The following SAMD12 variants were observed in gnomAD, a reference collection of about 807,000 sequenced individuals.
SAMD12 encodes the protein sterile alpha motif domain-containing protein 12.
In SAMD12, 9 loss-of-function variants were observed where a neutral mutation model predicts 15.0. The observed-to-expected ratio is 0.60, with a 90% CI of 0.36 to 1.05. The LOEUF is 1.05. Among genes scored for constraint, SAMD12 ranks in the 50% least tolerant of loss-of-function variants. The probability of loss-of-function intolerance (pLI) is 0.01; values close to 1 mark genes in which losing one functional copy is unlikely to be tolerated. For missense variants in SAMD12, 230 were observed against 234.2 expected, an observed-to-expected ratio of 0.98 and a Z score of 0.12; for synonymous variants, 86 against 90.1, an observed-to-expected ratio of 0.96 and a Z score of 0.25.
Position 118,287,621 on chromosome 8 carries a change from T to C in SAMD12, c.434-89889A>G, listed in dbSNP as rs1161426874. On this transcript the variant is annotated intron_variant, in intron 4 of 4. Coordinates refer to the SAMD12 transcript ENST00000409003. Reference sequence around the variant, plus strand: ...GTGGTGCCCGGTTTTTACTCACCTGTATAACTCATGATACCAATTTGTAAT... The same window carrying C: ...GTGGTGCCCGGTTTTTACTCACCTGCATAACTCATGATACCAATTTGTAAT... Among the ~76,000 whole-genome samples, 9 of 152,270 alleles carry C rather than the reference T, an allele frequency of 5.9e-5. No homozygotes were observed. In the East Asian group the frequency reaches 1.7e-3, roughly 29 times the overall value.
intron 4 of SAMD12, among the ~76,000 whole-genome samples, chr8:118,363,064 A>G (rs1441940486): frequency 6.6e-6 from 1 of 152,220 alleles, no homozygotes; most frequent in African/African-American, 2.4e-5. Flanking sequence ...TTTTATTTGA[A>G]TAGTCTCAAG....
At chr8:118,397,910 A>C (rs868325754) in intron 3 of SAMD12, among the ~76,000 whole-genome samples, 14 of 152,266 alleles carry the variant, frequency 9.2e-5, no homozygotes, top group South Asian at 6.2e-4. Flanking sequence ...CTCCCATCTC[A>C]GCCCCGCAGT....
intron 2 of SAMD12, among the ~76,000 whole-genome samples, chr8:118,545,388 G>C (rs973145882): frequency 1.3e-5 from 2 of 152,092 alleles, no homozygotes; most frequent in Non-Finnish European, 2.9e-5. Flanking sequence ...AATCGCTTGA[G>C]CCTGGGAGGC....
intron 3 of SAMD12, among the ~76,000 whole-genome samples, chr8:118,438,935 C>T (rs1347103725): frequency 6.6e-6 from 1 of 152,172 alleles, no homozygotes; most frequent in African/African-American, 2.4e-5. Flanking sequence ...TCAGTCCTAT[C>T]TTTCACTGCA....
At chr8:118,550,215 A>G (rs976568910) in intron 2 of SAMD12, among the ~76,000 whole-genome samples, 8 of 152,202 alleles carry the variant, frequency 5.3e-5, no homozygotes, top group Admixed American at 2.0e-4. Flanking sequence ...CAACTCCAAG[A>G]CACATAATTG....
At chr8:118,453,126 C>T (rs1407270042) in intron 2 of SAMD12, among the ~76,000 whole-genome samples, 2 of 152,088 alleles carry the variant, frequency 1.3e-5, no homozygotes, top group African/African-American at 2.4e-5. Flanking sequence ...TTGTTCCTTG[C>T]CTTCAAAGTC....
chr8:118,580,623 T>C, intron 2 of SAMD12, 92 bp downstream of exon 2: 2 of 837,486 alleles, frequency 2.4e-6, no homozygotes, highest in Non-Finnish European at 3.9e-6. Flanking sequence ...TGGTAATTAG[T>C]GAAAGCACTA....
rs536245512 is a variant in SAMD12 at position 118,537,485 on chromosome 8, TCTGA to T, written c.192+43226_192+43229del. Reference sequence around the variant, plus strand: ...TTTTTATTCTTTTTCTTTTGTATCCTCTGACTGTGTATTTTCAAATAGTCTGTTT... The same window carrying T: ...TTTTTATTCTTTTTCTTTTGTATCCTCTGTGTATTTTCAAATAGTCTGTTT... On this transcript the variant is annotated intron_variant, in intron 2 of 3. Transcript: ENST00000314727. 3.7e-4 allele frequency among the ~76,000 whole-genome samples: 56 copies of T among 152,342 alleles called. No individual in the cohort carries two copies. In the South Asian group the frequency reaches 9.1e-3, roughly 25 times the overall value.
the SAMD12 span, among the ~76,000 whole-genome samples, chr8:118,151,296 T>G: frequency 6.6e-6 from 1 of 152,180 alleles, no homozygotes. Context: ...TTATTGAGCT[T>G]CTTGGGTGTG....
At chr8:118,575,662 C>T (rs967736297) in intron 2 of SAMD12, among the ~76,000 whole-genome samples, 6 of 152,052 alleles carry the variant, frequency 3.9e-5, no homozygotes, top group African/African-American at 1.2e-4. Context: ...ATATAAGGAA[C>T]GCTCAAAGCT....
At chr8:118,513,836 T>C (rs1164751681) in intron 2 of SAMD12, among the ~76,000 whole-genome samples, 1 of 152,044 alleles carries the variant, frequency 6.6e-6, no homozygotes, top group Non-Finnish European at 1.5e-5. Flanking sequence ...TTGCCCTCAG[T>C]TTTGGGGGAA....
intron 3 of SAMD12, among the ~76,000 whole-genome samples, chr8:118,388,575 C>T (rs1290791160): frequency 6.6e-6 from 1 of 152,170 alleles, no homozygotes; most frequent in Non-Finnish European, 1.5e-5. Context: ...CGTAAGTAAG[C>T]TCCATGAAAG....
intron 4 of SAMD12, among the ~76,000 whole-genome samples, chr8:118,280,749 C>G (rs1276756342): frequency 1.3e-5 from 2 of 152,182 alleles, no homozygotes; most frequent in Non-Finnish European, 2.9e-5. Context: ...CATTAGGCAA[C>G]TGAGACTTTT....
At chr8:118,507,434 T>G (rs1020460320) in intron 2 of SAMD12, among the ~76,000 whole-genome samples, 5 of 152,102 alleles carry the variant, frequency 3.3e-5, no homozygotes, top group Non-Finnish European at 5.9e-5. Context: ...GGGTTTATGA[T>G]GTACCGAGCC....
chr8:118,432,368 T>C (rs2130872141), intron 3 of SAMD12, among the ~76,000 whole-genome samples: 1 of 152,238 alleles, frequency 6.6e-6, no homozygotes, highest in South Asian at 2.1e-4. Flanking sequence ...GGAGGAGGCA[T>C]TTGGGGATAT....
chr8:118,263,417 T>C (rs1306089129), intron 4 of SAMD12, among the ~76,000 whole-genome samples: 2 of 151,990 alleles, frequency 1.3e-5, no homozygotes, highest in Non-Finnish European at 2.9e-5. Flanking sequence ...AAGTATTGGA[T>C]ATTGGGAAAT....
At chr8:118,466,891 T>A (rs1823611326) in intron 2 of SAMD12, among the ~76,000 whole-genome samples, 1 of 152,174 alleles carries the variant, frequency 6.6e-6, no homozygotes, top group African/African-American at 2.4e-5. Context: ...TAAAGGAAAT[T>A]AACCACTTTT....
the SAMD12 span, among the ~76,000 whole-genome samples, chr8:118,181,754 T>A: frequency 6.6e-6 from 1 of 152,220 alleles, no homozygotes; most frequent in South Asian, 2.1e-4. Context: ...GTAGTTTGAG[T>A]TGGGCTTTAG....
At chr8:118,240,031 G>A (rs1242322386) in intron 4 of SAMD12, 1 of 152,146 alleles carries the variant, frequency 6.6e-6, no homozygotes, top group Non-Finnish European at 1.5e-5. Context: ...TGTGCAGCCT[G>A]CTTCAGCTTA....
Sources: gnomAD v4.1 joint callset for allele counts (sites outside exome capture counted in the v4.1 genomes callset) on GRCh38, gnomAD v4.1.1 for gene constraint, MANE v1.5 for transcripts, NCBI Gene and HGNC (gene_info 2026-07-23, HGNC 2026-07-21) for gene names.